HDAC9: variants seen among roughly 807,000 people sequenced by gnomAD.
HDAC9 encodes the protein histone deacetylase 9, also known as MEF-2 interacting transcription repressor (MITR) protein.
Under a neutral mutation model 139.4 loss-of-function variants are expected in HDAC9, and 41 were observed. The ratio of observed to expected loss-of-function variants is 0.29; its 90% CI spans 0.23 to 0.38. HDAC9 has a LOEUF of 0.38. Among genes scored for constraint, HDAC9 ranks in the 10% least tolerant of loss-of-function variants. The pLI, the probability that HDAC9 is intolerant of heterozygous loss-of-function variation, is 1.00. For synonymous variants in HDAC9, 517 were observed against 476.2 expected, an observed-to-expected ratio of 1.09 and a Z score of -1.12; for missense variants, 1,147 against 1,297.0, an observed-to-expected ratio of 0.88 and a Z score of 1.78.
intron 24 of HDAC9, among the ~76,000 whole-genome samples, chr7:18,974,398 A>C (rs1784429455): frequency 6.6e-6 from 1 of 152,186 alleles, no homozygotes; most frequent in Non-Finnish European, 1.5e-5. Flanking sequence ...CATTTTACAC[A>C]CAGAATTGTA....
chr7:18,219,920 C>G (rs1792574608), intron 2 of HDAC9, among the ~76,000 whole-genome samples: 1 of 152,172 alleles, frequency 6.6e-6, no homozygotes, highest in Non-Finnish European at 1.5e-5. Flanking sequence ...ATAGTCAACT[C>G]TGTTTCCTGC....
chr7:18,092,234 G>GA (rs1455831171), intron 1 of HDAC9, among the ~76,000 whole-genome samples: 2 of 151,880 alleles, frequency 1.3e-5, no homozygotes, highest in Admixed American at 6.6e-5. Context: ...AAAAAATGCA[G>GA]AAAAAATTAC....
At chr7:18,190,660 A>G (rs1790285182) in intron 2 of HDAC9, among the ~76,000 whole-genome samples, 1 of 152,232 alleles carries the variant, frequency 6.6e-6, no homozygotes, top group Non-Finnish European at 1.5e-5. Context: ...CTACGCTATC[A>G]TTGAAATAGC....
intron 9 of HDAC9, among the ~76,000 whole-genome samples, chr7:18,646,696 G>C (rs1307665281): frequency 6.6e-6 from 1 of 152,138 alleles, no homozygotes; most frequent in African/African-American, 2.4e-5. Flanking sequence ...TGAAACATGA[G>C]TTTTGAAAAG....
At chr7:18,680,523 G>A (rs1781822360) in intron 12 of HDAC9, among the ~76,000 whole-genome samples, 1 of 151,920 alleles carries the variant, frequency 6.6e-6, no homozygotes, top group South Asian at 2.1e-4. Context: ...GGCCCCTAAA[G>A]TGAATTTGGA....
intron 6 of HDAC9, among the ~76,000 whole-genome samples, chr7:18,600,815 G>T (rs974803731): frequency 6.6e-6 from 1 of 151,752 alleles, no homozygotes; most frequent in Non-Finnish European, 1.5e-5. Flanking sequence ...ATAACTTACT[G>T]GAATTTTGTT....
chr7:18,340,346 G>T (rs1781909168), intron 1 of HDAC9, among the ~76,000 whole-genome samples: 1 of 151,420 alleles, frequency 6.6e-6, no homozygotes, highest in African/African-American at 2.4e-5. Context: ...GGAATGTTTA[G>T]ACCATATACC....
intron 1 of HDAC9, among the ~76,000 whole-genome samples, chr7:18,416,868 C>G (rs1044820336): frequency 6.6e-6 from 1 of 151,912 alleles, no homozygotes; most frequent in African/African-American, 2.4e-5. Flanking sequence ...TGTGATTTTT[C>G]TTTTACTGTA....
intron 1 of HDAC9, among the ~76,000 whole-genome samples, chr7:18,310,809 T>TACAC (rs71847714): frequency 0.03 from 4,281 of 143,166 alleles, 62 homozygotes; most frequent in East Asian, 0.035. Context: ...ACAAATCCAT[T>TACAC]ACACACACAC....
chr7:18,999,142 A>T lies in HDAC9; in HGVS notation c.*3080A>T, dbSNP rs537890623. 6.6e-6 allele frequency: 1 copy of T among 152,190 alleles called. No homozygotes were observed. Among genetic ancestry groups the T allele is most frequent in the African/African-American group, 2.4e-5 (1 of 41,436 alleles). 9.4% of individuals were successfully genotyped at this position (152,190 alleles called of 1,614,324 possible). Reference sequence around the variant, plus strand: ...AAATAGAGATATTTATGAAAAAACTACTACAAATCACATTTCCATTACCAA... The same window carrying T: ...AAATAGAGATATTTATGAAAAAACTTCTACAAATCACATTTCCATTACCAA... On this transcript the variant is annotated 3_prime_UTR_variant, in exon 26 of 26. Transcript: ENST00000686413.
chr7:18,461,112 G>A lies in HDAC9; in HGVS notation c.-41-35150G>A, dbSNP rs996826393. The stretch of plus-strand genomic sequence containing the variant: ...TACAACAAATCTTGCGTATGTGTAC[G>A]TGTGCATGCGTATACATACATACAC... On this transcript the variant is annotated intron_variant, in intron 1 of 3. Transcript: ENST00000413509. 3.3e-5 allele frequency among the ~76,000 whole-genome samples: 5 copies of A among 152,078 alleles called. No homozygotes were observed. In the South Asian group the frequency reaches 1.0e-3, roughly 32 times the overall value.
At chr7:18,900,933 AG>A in intron 22 of HDAC9, among the ~76,000 whole-genome samples, 1 of 152,218 alleles carries the variant, frequency 6.6e-6, no homozygotes, top group South Asian at 2.1e-4. Flanking sequence ...ATACTTGGGA[AG>A]AAATGGATGG....
chr7:18,297,444 T>C (rs946033515), intron 1 of HDAC9, among the ~76,000 whole-genome samples: 1 of 152,102 alleles, frequency 6.6e-6, no homozygotes, highest in Non-Finnish European at 1.5e-5. Flanking sequence ...CTCAGATAGC[T>C]GTTGAGTTTG....
At position 18,612,156 on chromosome 7, in the gene HDAC9, C is replaced by T. The variant is rs529325116; in HGVS notation, c.665-17194C>T. Among the ~76,000 whole-genome samples the T allele has an allele frequency of 3.7e-4, 57 of 152,070 alleles. No individual in the cohort carries two copies. The East Asian group carries it at 8.5e-3, about 23-fold the overall frequency. On this transcript the variant is annotated intron_variant, in intron 6 of 25. Coordinates refer to ENST00000686413, the MANE Select transcript of HDAC9 (RefSeq NM_178425.4). ...TAAGGGAAATAGATAAACTTACAGG[C>T]CCATAAATAATAGACATACTTTAAT...
At chr7:18,116,037 C>T (rs917601573) in intron 1 of HDAC9, among the ~76,000 whole-genome samples, 2 of 152,226 alleles carry the variant, frequency 1.3e-5, no homozygotes, top group Non-Finnish European at 2.9e-5. Flanking sequence ...AATTCATCCA[C>T]GTTTTGAAAT....
At chr7:18,131,524 C>CTA (rs1204300743) in intron 1 of HDAC9, among the ~76,000 whole-genome samples, 1 of 152,122 alleles carries the variant, frequency 6.6e-6, no homozygotes, top group African/African-American at 2.4e-5. Context: ...TTTGGCTAGA[C>CTA]AACTTGTGGG....
chr7:18,893,878 T>C (rs1306272586), intron 22 of HDAC9, among the ~76,000 whole-genome samples: 1 of 152,040 alleles, frequency 6.6e-6, no homozygotes, highest in East Asian at 1.9e-4. Context: ...GAAACTATCA[T>C]AGGGAGGAAC....
intron 2 of HDAC9, among the ~76,000 whole-genome samples, chr7:18,255,818 G>A (rs750336403): frequency 1.3e-5 from 2 of 151,690 alleles, no homozygotes; most frequent in Non-Finnish European, 2.9e-5. Flanking sequence ...GGGTAGAGAC[G>A]GGGTTTCACC....
intron 13 of HDAC9, among the ~76,000 whole-genome samples, chr7:18,736,837 G>C (rs1786957838): frequency 1.3e-5 from 2 of 152,176 alleles, no homozygotes; most frequent in African/African-American, 4.8e-5. Context: ...AACTCTGGTA[G>C]AATTCGGGTG....
Sources: allele counts gnomAD v4.1 joint callset (sites outside exome capture counted in the v4.1 genomes callset), GRCh38; gene constraint gnomAD v4.1.1; transcripts MANE v1.5; gene names NCBI Gene and HGNC (gene_info 2026-07-23, HGNC 2026-07-21).